The following PDGFRA variants were observed in gnomAD, a reference collection of about 807,000 sequenced individuals.
PDGFRA encodes platelet-derived growth factor receptor alpha.
PDGFRA carries 25 observed loss-of-function variants against 121.5 expected under a neutral mutation model. That is an observed-to-expected ratio of 0.21 (90% CI 0.15 to 0.29). PDGFRA has a LOEUF of 0.29. PDGFRA is among the 10% of genes least tolerant of loss of function. PDGFRA has a pLI of 1.00. For missense variants in PDGFRA, 1,008 were observed against 1,345.1 expected, an observed-to-expected ratio of 0.75 and a Z score of 3.92; for synonymous variants, 463 against 494.8, an observed-to-expected ratio of 0.94 and a Z score of 0.85.
chr4:54,243,823 GTGACAGAC>G (rs1026141826), intron 1 of PDGFRA, among the ~76,000 whole-genome samples: 1 of 152,224 alleles, frequency 6.6e-6, no homozygotes, highest in Non-Finnish European at 1.5e-5. Context: ...AAAGAAAGGG[GTGACAGAC>G]GGCACCTGGA....
Position 54,265,068 on chromosome 4 carries a change from T to C in PDGFRA, c.759+19T>C, listed in dbSNP as rs759936227. The stretch of plus-strand genomic sequence containing the variant: ...AGAAGTGGTAGGTACCCTCAAAACG[T>C]GCAATGGCTTGGAGCAGAGCAACAG... On this transcript the variant is annotated intron_variant, in intron 5 of 22. Coordinates refer to ENST00000257290, the MANE Select transcript of PDGFRA (RefSeq NM_006206.6). 2 of 1,612,832 alleles carry C rather than the reference T, an allele frequency of 1.2e-6. No homozygotes were observed. The highest frequency in any genetic ancestry group is 1.7e-6 in the Non-Finnish European group (2 of 1,179,076).
intron 18 of PDGFRA, 56 bp from the exon 19 acceptor site, chr4:54,287,371 ACTG>A: frequency 1.3e-6 from 1 of 793,768 alleles, no homozygotes; most frequent in East Asian, 2.4e-5. Context: ...TTCTATTTCC[ACTG>A]CTGTGGATCA....
chr4:54,275,069 C>A, intron 12 of PDGFRA, 96 bp downstream of exon 12: 1 of 1,365,702 alleles, frequency 7.3e-7, no homozygotes, highest in Non-Finnish European at 1.0e-6. Flanking sequence ...TGAGCTTGTG[C>A]TTAGTAAGAA....
At chr4:54,280,242 T>A in intron 15 of PDGFRA, 74 bp from the exon 16 acceptor site, 4 of 1,376,278 alleles carry the variant, frequency 2.9e-6, no homozygotes, top group Non-Finnish European at 4.1e-6. Flanking sequence ...TGGCACATAA[T>A]CATCATCTAC....
At position 54,239,044 on chromosome 4, in the gene PDGFRA, C is replaced by T. The variant is rs183050560; in HGVS notation, c.-13+9629C>T. ...CAGTGAAGAAGCTGGCCAAAACCCA[C>T]CAAAACGAAGATGGTGATGAAAGTG... is the stretch of plus-strand genomic sequence containing the variant. On this transcript the variant is annotated intron_variant, in intron 1 of 22. Transcript: ENST00000257290. 1.0e-3 allele frequency among the ~76,000 whole-genome samples: 155 copies of T among 152,258 alleles called. 1 individual carries two copies. The highest frequency in any genetic ancestry group is 3.4e-3 in the Middle Eastern group (1 of 294).
At position 54,278,223 on chromosome 4, in the gene PDGFRA, TAAAAAAAAAA is replaced by T. The variant is rs5858262; in HGVS notation, c.2003-118_2003-109del. 257,816 of 534,638 alleles carry T rather than the reference TAAAAAAAAAA, an allele frequency of 0.48. 33,596 individuals carry two copies. The highest frequency in any genetic ancestry group is 0.5 in the Admixed American group (13,979 of 27,922). 33.1% of individuals were successfully genotyped at this position (534,638 alleles called of 1,614,324 possible). ...GTCATAGCCATTCATGGCTCTTTAT[TAAAAAAAAAA>T]AAAAAAAAAAAAAAAAAAAACTTTT... On this transcript the variant is annotated intron_variant, in intron 14 of 22. Coordinates refer to ENST00000257290, the MANE Select transcript of PDGFRA (RefSeq NM_006206.6).
chr4:54,253,520 C>T (rs1327116537), intron 1 of PDGFRA, among the ~76,000 whole-genome samples: 5 of 152,146 alleles, frequency 3.3e-5, no homozygotes, highest in African/African-American at 1.2e-4. Context: ...GTCTCTTTCT[C>T]AGTTTGTTTC....
chr4:54,254,993 G>A (rs945148398), intron 1 of PDGFRA, among the ~76,000 whole-genome samples: 15 of 152,114 alleles, frequency 9.9e-5, no homozygotes, highest in African/African-American at 2.9e-4. Context: ...GGTGGGGGGC[G>A]GTGCGACATG....
At chr4:54,243,575 G>A (rs1258452128) in intron 1 of PDGFRA, 1 of 152,278 alleles carries the variant, frequency 6.6e-6, no homozygotes, top group Non-Finnish European at 1.5e-5. Context: ...GTTAAAGGAG[G>A]AGGTTGGAGC....
intron 15 of PDGFRA, chr4:54,278,997 G>A (rs1341646335): frequency 1.1e-5 from 4 of 380,328 alleles, no homozygotes; most frequent in Middle Eastern, 3.8e-4. Context: ...AGATCAGAAA[G>A]TACAATGAAT....
In PDGFRA at chr4:54,290,470, G is replaced by T. The variant is rs1307047645; in HGVS notation, c.3038G>T (p.Ser1013Ile). The change falls in exon 22 of 23, where the codon AGC becomes ATC. Residue 1013 changes from serine to isoleucine, a missense_variant. Ser to Ile is a moderately radical substitution (Grantham distance 142). Transcript: ENST00000257290. The part of the protein sequence containing the change: ...WEGGLDEQRL[S>I]ADSGYIIPLP... Reference sequence around the variant, plus strand: ...GGTGGTCTGGATGAGCAGAGACTGAGCGCTGACAGTGGCTACATCATTCCT... The same window carrying T: ...GGTGGTCTGGATGAGCAGAGACTGATCGCTGACAGTGGCTACATCATTCCT... 1 of 1,613,858 alleles carries T rather than the reference G, an allele frequency of 6.2e-7. No homozygotes were observed. The highest frequency in any genetic ancestry group is 8.5e-7 in the Non-Finnish European group (1 of 1,179,726).
At chr4:54,259,871 T>C (rs1409905839) in intron 2 of PDGFRA, among the ~76,000 whole-genome samples, 1 of 152,202 alleles carries the variant, frequency 6.6e-6, no homozygotes, top group East Asian at 1.9e-4. Context: ...TAAGTCATAA[T>C]ATCTCTTCTA....
At chr4:54,249,166 T>C (rs954108936) in intron 1 of PDGFRA, among the ~76,000 whole-genome samples, 1 of 152,172 alleles carries the variant, frequency 6.6e-6, no homozygotes, top group African/African-American at 2.4e-5. Flanking sequence ...CTTGTGGGAC[T>C]GTAAACTATT....
At chr4:54,287,732 G>A (rs528783953) in intron 19 of PDGFRA, among the ~76,000 whole-genome samples, 191 bp downstream of exon 19, 2 of 152,274 alleles carry the variant, frequency 1.3e-5, no homozygotes, top group South Asian at 4.1e-4. Context: ...GGAGATGGGG[G>A]TTTTTGTTGG....
chr4:54,297,449 T>C lies in PDGFRA; in HGVS notation c.*2177T>C, dbSNP rs1476717290. 2 of 233,632 alleles carry C rather than the reference T, an allele frequency of 8.6e-6. No homozygotes were observed. The highest frequency in any genetic ancestry group is 6.0e-5 in the East Asian group (1 of 16,594). 14.5% of individuals were successfully genotyped at this position (233,632 alleles called of 1,614,324 possible). A position where few individuals can be genotyped will look rare whatever the true frequency, so the allele number is the denominator to read the frequency against. ...CTAGGTTCTGTAGAGCCAATTAGACTTGAAATACGTTTGTGTTTCTAGAAT... is the reference window on the plus strand; with the variant it reads ...CTAGGTTCTGTAGAGCCAATTAGACCTGAAATACGTTTGTGTTTCTAGAAT... On this transcript the variant is annotated 3_prime_UTR_variant, in exon 23 of 23. Coordinates refer to ENST00000257290, the MANE Select transcript of PDGFRA (RefSeq NM_006206.6).
rs368302240 is a variant in PDGFRA at position 54,247,896 on chromosome 4, A to G, written c.-12-10861A>G. On this transcript the variant is annotated intron_variant, in intron 1 of 22. Coordinates refer to ENST00000257290, the MANE Select transcript of PDGFRA (RefSeq NM_006206.6). ...AAGTCTCAGGATACAAAATCAATGT[A>G]CAAAAATCACAAGCATTCTTATACA... 3.3e-5 allele frequency among the ~76,000 whole-genome samples: 5 copies of G among 152,186 alleles called. No individual in the cohort carries two copies. In the East Asian group the frequency reaches 5.8e-4, roughly 18 times the overall value.
intron 1 of PDGFRA, among the ~76,000 whole-genome samples, chr4:54,233,319 G>T (rs1000984665): frequency 6.6e-6 from 1 of 152,200 alleles, no homozygotes; most frequent in Non-Finnish European, 1.5e-5. Flanking sequence ...GTCAGAAGCC[G>T]GACAGTGGCG....
rs2110323443 is a variant in PDGFRA at position 54,280,342 on chromosome 4, A to G, written c.2183A>G (p.Asn728Ser). Reference sequence around the variant, plus strand: ...TATGTTATTTTATCTTTTGAAAACAATGGTGACTACATGGACATGAAGCAG... The same window carrying G: ...TATGTTATTTTATCTTTTGAAAACAGTGGTGACTACATGGACATGAAGCAG... ...RSYVILSFENNGDYMDMKQAD... is the reference protein window; with the variant it reads ...RSYVILSFENSGDYMDMKQAD... Residue 728 changes from asparagine (N) to serine (S), a missense_variant, in exon 16 of 23, where the codon AAT becomes AGT. Physicochemically the swap from Asn to Ser is conservative, Grantham distance 46. This residue lies in a region of PDGFRA where 128 missense variants were observed against 147.6 expected (regional missense o/e 0.87). Transcript: ENST00000257290. The G allele has an allele frequency of 6.2e-7, 1 of 1,613,896 alleles. No individual in the cohort carries two copies.
chr4:54,235,201 A>G (rs1244256290), intron 1 of PDGFRA, among the ~76,000 whole-genome samples: 1 of 152,218 alleles, frequency 6.6e-6, no homozygotes, highest in Non-Finnish European at 1.5e-5. Flanking sequence ...AGCCTCGGAA[A>G]TCTGAATCTT....
Sources: gnomAD v4.1 joint callset for allele counts (sites outside exome capture counted in the v4.1 genomes callset) on GRCh38, gnomAD v4.1.1 for gene constraint, gnomAD v4.1.1 regional missense constraint, MANE v1.5 for transcripts, NCBI Gene and HGNC (gene_info 2026-07-23, HGNC 2026-07-21) for gene names.